The following ASIC2 variants were observed in gnomAD, a reference collection of about 807,000 sequenced individuals.
The protein encoded by ASIC2 is acid sensing ion channel subunit 2.
Under a neutral mutation model 57.3 loss-of-function variants are expected in ASIC2, and 25 were observed. The ratio of observed to expected loss-of-function variants is 0.44; its 90% confidence interval spans 0.32 to 0.61. The LOEUF (loss-of-function observed/expected upper bound fraction) is 0.61. Among genes scored for constraint, ASIC2 ranks in the 20% least tolerant of loss-of-function variants. The probability of loss-of-function intolerance (pLI) is 0.06; values close to 1 mark genes in which losing one functional copy is unlikely to be tolerated. For missense variants in ASIC2, 641 were observed against 738.1 expected (o/e 0.87, Z 1.52); for synonymous variants, 319 against 307.5 (o/e 1.04, Z -0.39).
chr17:34,035,489 A>C (rs1254356833), intron 1 of ASIC2, among the ~76,000 whole-genome samples: 1 of 150,620 alleles, frequency 6.6e-6, no homozygotes, highest in East Asian at 1.9e-4. Context: ...CTTCATGTCT[A>C]AAACACCAAA....
At chr17:33,505,926 C>G (rs1480977271) in intron 1 of ASIC2, among the ~76,000 whole-genome samples, 2 of 152,174 alleles carry the variant, frequency 1.3e-5, no homozygotes, top group Non-Finnish European at 2.9e-5. Flanking sequence ...GTGTACCTCC[C>G]TTACTGGACT....
chr17:33,493,601 CT>C (rs1328859595), intron 1 of ASIC2, among the ~76,000 whole-genome samples: 1 of 152,118 alleles, frequency 6.6e-6, no homozygotes, highest in Non-Finnish European at 1.5e-5. Context: ...ATTTTCTCCT[CT>C]TTTTTTACAC....
At chr17:34,052,682 T>TCACTGCAACCTCTGCAGTG (rs1908615290) in intron 1 of ASIC2, among the ~76,000 whole-genome samples, 1 of 151,800 alleles carries the variant, frequency 6.6e-6, no homozygotes, top group South Asian at 2.1e-4. Flanking sequence ...AATGGCGTGA[T>TCACTGCAACCTCTGCAGTG]CAAGGCTCAC....
chr17:33,547,226 G>A (rs1915606245), intron 1 of ASIC2, among the ~76,000 whole-genome samples: 1 of 151,900 alleles, frequency 6.6e-6, no homozygotes, highest in Non-Finnish European at 1.5e-5. Context: ...GAAAGGGCCT[G>A]GGTACCTAAT....
intron 1 of ASIC2, among the ~76,000 whole-genome samples, chr17:33,464,687 C>CTCTATA (rs1264604173): frequency 1.7e-4 from 23 of 132,598 alleles, no homozygotes; most frequent in African/African-American, 6.7e-4. Context: ...CTCTCTCTCT[C>CTCTATA]TATATATATA....
intron 1 of ASIC2, among the ~76,000 whole-genome samples, chr17:33,483,793 A>G (rs1913490922): frequency 6.6e-6 from 1 of 152,234 alleles, no homozygotes; most frequent in African/African-American, 2.4e-5. Flanking sequence ...ATAGCCCACA[A>G]ATTGTCCACG....
intron 1 of ASIC2, among the ~76,000 whole-genome samples, chr17:33,770,756 C>A (rs1319808293): frequency 6.6e-6 from 1 of 152,158 alleles, no homozygotes; most frequent in Non-Finnish European, 1.5e-5. Flanking sequence ...TACTTTATAG[C>A]ATTAATGCTT....
At chr17:33,821,784 T>A (rs1224379016) in intron 1 of ASIC2, among the ~76,000 whole-genome samples, 1 of 152,256 alleles carries the variant, frequency 6.6e-6, no homozygotes, top group Non-Finnish European at 1.5e-5. Flanking sequence ...ATGACAGCCC[T>A]GATTAAGTTC....
chr17:33,307,230 TCTC>T (rs1022780294), intron 1 of ASIC2, among the ~76,000 whole-genome samples: 3 of 151,982 alleles, frequency 2.0e-5, no homozygotes, highest in African/African-American at 7.2e-5. Flanking sequence ...CTGGTGGTCT[TCTC>T]CTTCTTCTTC....
At chr17:33,455,772 C>G (rs1222195550) in intron 1 of ASIC2, among the ~76,000 whole-genome samples, 1 of 152,156 alleles carries the variant, frequency 6.6e-6, no homozygotes, top group Non-Finnish European at 1.5e-5. Flanking sequence ...TCTCAAAAGC[C>G]CCAGATAGCC....
chr17:34,150,809 G>A (rs193284459), intron 1 of ASIC2, among the ~76,000 whole-genome samples: 92 of 152,184 alleles, frequency 6.0e-4, no homozygotes, highest in African/African-American at 2.1e-3. Flanking sequence ...AATAGACATG[G>A]AGAAAGAGGT....
chr17:33,065,730 C>T (rs2092040825), intron 3 of ASIC2, among the ~76,000 whole-genome samples: 1 of 152,078 alleles, frequency 6.6e-6, no homozygotes. Flanking sequence ...TTAACATTAG[C>T]CTCATGAGAC....
intron 1 of ASIC2, among the ~76,000 whole-genome samples, chr17:33,563,860 T>C (rs1420882907): frequency 2.0e-5 from 3 of 152,180 alleles, no homozygotes; most frequent in Non-Finnish European, 4.4e-5. Flanking sequence ...CTGCCTTATT[T>C]CTTGGATGCT....
At chr17:33,515,923 C>T (rs1203720353) in intron 1 of ASIC2, among the ~76,000 whole-genome samples, 2 of 151,948 alleles carry the variant, frequency 1.3e-5, no homozygotes, top group Non-Finnish European at 2.9e-5. Context: ...TGGCAAAACC[C>T]GGTCTCTAAA....
chr17:33,332,953 C>A (rs1907373943), intron 1 of ASIC2, among the ~76,000 whole-genome samples: 2 of 152,076 alleles, frequency 1.3e-5, no homozygotes. Flanking sequence ...AGCAGCATGC[C>A]TAGGAGAGGC....
At chr17:33,864,044 C>T (rs1914169692) in intron 1 of ASIC2, among the ~76,000 whole-genome samples, 2 of 152,000 alleles carry the variant, frequency 1.3e-5, no homozygotes, top group Non-Finnish European at 2.9e-5. Context: ...GCTGGGATTA[C>T]AGGCAAGCAC....
intron 1 of ASIC2, among the ~76,000 whole-genome samples, chr17:33,578,695 A>C (rs1027304865): frequency 3.3e-5 from 5 of 151,992 alleles, no homozygotes; most frequent in Admixed American, 6.5e-5. Context: ...CCCTACACCA[A>C]CTCTACAACT....
intron 1 of ASIC2, among the ~76,000 whole-genome samples, chr17:33,179,408 A>G (rs545190167): frequency 9.8e-5 from 15 of 152,344 alleles, no homozygotes; most frequent in African/African-American, 3.4e-4. Flanking sequence ...GTCAGCCGGC[A>G]TATGGATTCC....
chr17:33,565,432 A>G (rs1057510868), intron 1 of ASIC2, among the ~76,000 whole-genome samples: 1 of 152,204 alleles, frequency 6.6e-6, no homozygotes, highest in Non-Finnish European at 1.5e-5. Context: ...ATATCTGTGC[A>G]CACAGCACCA....
Sources: gnomAD v4.1 joint callset for allele counts (sites outside exome capture counted in the v4.1 genomes callset) on GRCh38, gnomAD v4.1.1 for gene constraint, MANE v1.5 for transcripts, NCBI Gene and HGNC (gene_info 2026-07-23, HGNC 2026-07-21) for gene names.